MICU1: variants seen among roughly 807,000 people sequenced by gnomAD.
MICU1 encodes calcium uptake protein 1, mitochondrial.
MICU1 carries 45 observed loss-of-function variants against 56.8 expected under a neutral mutation model. The observed-to-expected ratio is 0.79, with a 90% confidence interval of 0.62 to 1.02. MICU1 has a LOEUF of 1.02. Ranked by LOEUF, MICU1 falls within the 50% of genes least tolerant of loss-of-function variation. The probability of loss-of-function intolerance (pLI) is 0.00; values close to 1 mark genes in which losing one functional copy is unlikely to be tolerated. For synonymous variants in MICU1, 186 were observed against 195.1 expected (o/e 0.95, Z 0.39); for missense variants, 504 against 587.1 (o/e 0.86, Z 1.46).
chr10:72,385,392 A>T (rs1274495214), intron 10 of MICU1, among the ~76,000 whole-genome samples: 1 of 152,072 alleles, frequency 6.6e-6, no homozygotes, highest in South Asian at 2.1e-4. Flanking sequence ...TGGGAGGCTG[A>T]GACAGGAGAA....
At chr10:72,466,964 T>C (rs1865811329) in intron 8 of MICU1, among the ~76,000 whole-genome samples, 1 of 152,108 alleles carries the variant, frequency 6.6e-6, no homozygotes, top group African/African-American at 2.4e-5. Flanking sequence ...CTCCTTGATA[T>C]TTAACTTAAT....
chr10:72,369,202 C>T (rs1371166730), intron 11 of MICU1, among the ~76,000 whole-genome samples: 1 of 151,662 alleles, frequency 6.6e-6, no homozygotes, highest in African/African-American at 2.4e-5. Flanking sequence ...CGCTTGATTA[C>T]CACCCGGTGA....
Position 72,457,877 on chromosome 10 carries a change from A to G in MICU1, c.933+17223T>C, listed in dbSNP as rs149697131. 7.8e-4 allele frequency among the ~76,000 whole-genome samples: 119 copies of G among 152,246 alleles called. 1 individual carries two copies. The East Asian group carries it at 0.02, about 25-fold the overall frequency. On this transcript the variant is annotated intron_variant, in intron 8 of 11. Transcript: ENST00000361114. ...TTAATAGCAAAGAAATTCCATGAAA[A>G]GTATTTCTAGGCTGGGCGCAGTGGC...
At chr10:72,490,675 A>G (rs147806835) in intron 6 of MICU1, among the ~76,000 whole-genome samples, 8 of 152,264 alleles carry the variant, frequency 5.3e-5, no homozygotes, top group African/African-American at 1.4e-4. Context: ...TTTTCTGCAC[A>G]ATGGCAAGAG....
chr10:72,506,994 A>G (rs1179929813), intron 6 of MICU1, among the ~76,000 whole-genome samples: 1 of 152,186 alleles, frequency 6.6e-6, no homozygotes, highest in Non-Finnish European at 1.5e-5. Flanking sequence ...TTCCTTGTCA[A>G]TCCTTACACA....
rs1254546976 is a variant in MICU1, at chr10:72,367,963, C to G, written c.*232G>C. On this transcript the variant is annotated 3_prime_UTR_variant, in exon 12 of 12. Transcript: ENST00000361114. ...GAGGCTGACAAATGTCTGAGCTTTA[C>G]AGACTTGTTCATGTTTTTGAGAACC... 4.3e-6 allele frequency: 2 copies of G among 470,100 alleles called. No individual in the cohort carries two copies. Among genetic ancestry groups the G allele is most frequent in the Non-Finnish European group, 7.6e-6 (2 of 263,312 alleles). The allele number at this position is 470,100 out of a possible 1,614,324, so 29.1% of individuals were successfully genotyped here. A position where few individuals can be genotyped will look rare whatever the true frequency, so the allele number is the denominator to read the frequency against.
Position 72,551,283 on chromosome 10 carries a change from T to C in MICU1, c.389A>G (p.Tyr130Cys). Residue 130 changes from tyrosine (Y) to cysteine (C), a missense_variant, in exon 4 of 12, where the codon TAT becomes TGT. By Grantham distance (194) the Tyr-to-Cys change is radical. Coordinates refer to ENST00000361114, the MANE Select transcript of MICU1 (RefSeq NM_001195518.2). ...ACTGATGACTTTCAAGGTGGCAAAA[T>C]ATCGGAAGATTTTGTCTGGCGTGGA... ...AYSTPDKIFR[Y>C]FATLKVISEP... The C allele has an allele frequency of 6.2e-7, 1 of 1,613,512 alleles. No individual in the cohort carries two copies. Among genetic ancestry groups the C allele is most frequent in the Non-Finnish European group, 8.5e-7 (1 of 1,179,664 alleles).
intron 8 of MICU1, among the ~76,000 whole-genome samples, chr10:72,468,955 A>G (rs1865872972): frequency 6.6e-6 from 1 of 152,258 alleles, no homozygotes; most frequent in Non-Finnish European, 1.5e-5. Context: ...GAACAGAAAT[A>G]GTTCAGTCTG....
At chr10:72,414,382 T>C (rs1011988520) in intron 9 of MICU1, among the ~76,000 whole-genome samples, 4 of 152,018 alleles carry the variant, frequency 2.6e-5, no homozygotes, top group Non-Finnish European at 5.9e-5. Flanking sequence ...TAATAAACTA[T>C]TAATATAAGC....
intron 5 of MICU1, chr10:72,531,816 C>T (rs1839492260): frequency 6.7e-6 from 1 of 150,042 alleles, no homozygotes; most frequent in South Asian, 2.1e-4. Flanking sequence ...TCATACATAA[C>T]AAAAAAACAT....
chr10:72,477,143 G>A (rs1376992554), intron 7 of MICU1, 31 bp downstream of exon 7: 15 of 1,431,032 alleles, frequency 1.0e-5, no homozygotes, highest in Non-Finnish European at 1.4e-5. Context: ...AAATATTAAT[G>A]TATTTAGAGG....
At chr10:72,569,227 A>ATTTTTTTTTTTTTTT (rs1457174727) in intron 1 of MICU1, among the ~76,000 whole-genome samples, 1 of 40,596 alleles carries the variant, frequency 2.5e-5, no homozygotes, top group African/African-American at 1.1e-4. Flanking sequence ...ATATATATAT[A>ATTTTTTTTTTTTTTT]TATATATATA....
At chr10:72,515,671 G>A (rs951112703) in intron 5 of MICU1, among the ~76,000 whole-genome samples, 2 of 152,132 alleles carry the variant, frequency 1.3e-5, no homozygotes, top group Admixed American at 1.3e-4. Flanking sequence ...TTTCACAACT[G>A]CTAATCCCAT....
At chr10:72,415,938 C>T (rs1250706338) in intron 9 of MICU1, among the ~76,000 whole-genome samples, 1 of 152,106 alleles carries the variant, frequency 6.6e-6, no homozygotes, top group African/African-American at 2.4e-5. Flanking sequence ...GACTATTTTT[C>T]ATCTGAAATA....
chr10:72,578,072 T>A (rs1840795702), intron 1 of MICU1, among the ~76,000 whole-genome samples: 1 of 152,138 alleles, frequency 6.6e-6, no homozygotes, highest in Non-Finnish European at 1.5e-5. Flanking sequence ...GAGAAATCTT[T>A]TGTGAAAGAA....
At chr10:72,443,640 T>C (rs1362909574) in intron 8 of MICU1, among the ~76,000 whole-genome samples, 2 of 152,224 alleles carry the variant, frequency 1.3e-5, no homozygotes, top group African/African-American at 2.4e-5. Context: ...CCTTTCCCCA[T>C]TGCTTTGATT....
chr10:72,528,769 A>AT, intron 5 of MICU1: 1 of 226,388 alleles, frequency 4.4e-6, no homozygotes, highest in Non-Finnish European at 9.8e-6. Flanking sequence ...CTAGGGTCTT[A>AT]TTTTATCTGA....
chr10:72,386,133 T>A (rs190374024), intron 10 of MICU1, among the ~76,000 whole-genome samples: 6 of 152,176 alleles, frequency 3.9e-5, no homozygotes, highest in Admixed American at 3.9e-4. Flanking sequence ...GTGCCAACAC[T>A]CTGAATCACA....
chr10:72,544,452 C>T (rs1457919754), intron 4 of MICU1, among the ~76,000 whole-genome samples: 1 of 152,092 alleles, frequency 6.6e-6, no homozygotes, highest in African/African-American at 2.4e-5. Flanking sequence ...CCCTTTTCAT[C>T]TCCAATGAAG....
Sources: gnomAD v4.1 joint callset for allele counts (sites outside exome capture counted in the v4.1 genomes callset) on GRCh38, gnomAD v4.1.1 for gene constraint, MANE v1.5 for transcripts, NCBI Gene and HGNC (gene_info 2026-07-23, HGNC 2026-07-21) for gene names.